Variants in PDE10A observed in about 807,000 individuals in gnomAD.
PDE10A encodes the protein cAMP and cAMP-inhibited cGMP 3',5'-cyclic phosphodiesterase 10A.
PDE10A carries 39 observed loss-of-function variants against 97.7 expected under a neutral mutation model. That is an observed-to-expected ratio of 0.40 (90% CI 0.31 to 0.52). PDE10A has a LOEUF of 0.52. Among genes scored for constraint, PDE10A ranks in the 20% least tolerant of loss-of-function variants. The probability of loss-of-function intolerance (pLI) is 0.56; values close to 1 mark genes in which losing one functional copy is unlikely to be tolerated. For synonymous variants in PDE10A, 371 were observed against 376.8 expected, an observed-to-expected ratio of 0.98 and a Z score of 0.18; for missense variants, 731 against 1,047.8, an observed-to-expected ratio of 0.70 and a Z score of 4.17.
chr6:165,625,837 T>A, intron 1 of PDE10A, among the ~76,000 whole-genome samples: 1 of 152,234 alleles, frequency 6.6e-6, no homozygotes, highest in East Asian at 1.9e-4. Context: ...GTCTCAGGTA[T>A]GTCTTTATCA....
chr6:165,984,354 C>T (rs1428963673), intron 1 of PDE10A, among the ~76,000 whole-genome samples: 1 of 152,080 alleles, frequency 6.6e-6, no homozygotes, highest in African/African-American at 2.4e-5. Flanking sequence ...AATCCTAATA[C>T]CAAATATTTC....
intron 2 of PDE10A, among the ~76,000 whole-genome samples, chr6:165,491,416 A>G (rs1419493881): frequency 6.6e-6 from 1 of 152,150 alleles, no homozygotes; most frequent in Non-Finnish European, 1.5e-5. Context: ...TTTACACAAC[A>G]TCCTAGCCAA....
At chr6:165,918,708 C>T (rs76517603) in intron 1 of PDE10A, among the ~76,000 whole-genome samples, 8,646 of 152,158 alleles carry the variant, frequency 0.057, 311 homozygotes, top group Middle Eastern at 0.1. Context: ...ATTAGAAATA[C>T]ATTTCCAAGA....
intron 14 of PDE10A, 105 bp from the exon 15 acceptor site, chr6:165,395,369 G>A: frequency 2.8e-6 from 2 of 712,994 alleles, no homozygotes; most frequent in East Asian, 2.9e-5. Flanking sequence ...AAAAGACACT[G>A]GGAGCTCAGC....
At chr6:165,764,360 G>C (rs1250156666) in intron 1 of PDE10A, among the ~76,000 whole-genome samples, 1 of 152,148 alleles carries the variant, frequency 6.6e-6, no homozygotes, top group African/African-American at 2.4e-5. Context: ...ATATATCCTA[G>C]TGTTAAAAAT....
At chr6:165,736,725 C>G (rs1792584371) in intron 1 of PDE10A, among the ~76,000 whole-genome samples, 1 of 151,980 alleles carries the variant, frequency 6.6e-6, no homozygotes. Flanking sequence ...GATAAATAAC[C>G]TCAACCTCAC....
intron 1 of PDE10A, among the ~76,000 whole-genome samples, chr6:165,606,183 C>CCAGGCACA (rs1787200693): frequency 6.7e-6 from 1 of 148,434 alleles, no homozygotes; most frequent in Admixed American, 6.7e-5. Context: ...AAATAAAGCA[C>CCAGGCACA]CAGGCACACA....
At chr6:165,959,812 C>A (rs1583352218) in intron 1 of PDE10A, among the ~76,000 whole-genome samples, 1 of 152,010 alleles carries the variant, frequency 6.6e-6, no homozygotes, top group Non-Finnish European at 1.5e-5. Context: ...TGGGGAGGGG[C>A]AACTTAGGAG....
At chr6:165,724,135 T>C (rs908548904) in intron 1 of PDE10A, among the ~76,000 whole-genome samples, 12 of 152,222 alleles carry the variant, frequency 7.9e-5, no homozygotes, top group Non-Finnish European at 1.8e-4. Flanking sequence ...GGGCACACAC[T>C]GGGCATGGTT....
chr6:165,851,514 A>G (rs1780572145), intron 1 of PDE10A, among the ~76,000 whole-genome samples: 1 of 152,206 alleles, frequency 6.6e-6, no homozygotes, highest in Non-Finnish European at 1.5e-5. Context: ...AACAGGGTGT[A>G]TTTCCAGTCC....
intron 1 of PDE10A, among the ~76,000 whole-genome samples, chr6:165,620,748 A>C (rs1026810692): frequency 2.2e-5 from 3 of 133,552 alleles, no homozygotes; most frequent in African/African-American, 9.9e-5. Flanking sequence ...CCAGACAAAA[A>C]GGATAGAGAA....
At position 165,668,779 on chromosome 6, in the gene PDE10A, G is replaced by A. The variant is rs973330781; in HGVS notation, c.-614-125211C>T. Among the ~76,000 whole-genome samples, 344 of 149,274 alleles carry A rather than the reference G, an allele frequency of 2.3e-3. 1 individual carries two copies. The highest frequency in any genetic ancestry group is 7.9e-3 in the African/African-American group (320 of 40,502). On this transcript the variant is annotated intron_variant, in intron 1 of 19. Transcript: ENST00000366882. ...AGGAAGGAAGGAAGGTAGGAAGGGAGGGAGGGAGGGAGGAAGGGGAAGGAA... is the reference window on the plus strand; with the variant it reads ...AGGAAGGAAGGAAGGTAGGAAGGGAAGGAGGGAGGGAGGAAGGGGAAGGAA...
rs191044128 is a variant in PDE10A at position 165,612,417 on chromosome 6, C to T, written c.865+49530G>A. On this transcript the variant is annotated intron_variant, in intron 1 of 21. Transcript: ENST00000539869. ...ATTGAGATGGAGTCTCACTCTGTCA[C>T]CTAGGCTGGAGCGCAGTGGCACAAT... Among the ~76,000 whole-genome samples the T allele has an allele frequency of 4.8e-4, 73 of 152,068 alleles. 1 individual carries two copies. The highest frequency in any genetic ancestry group is 1.7e-3 in the African/African-American group (69 of 41,456).
At chr6:165,405,270 T>A (rs1033227558) in intron 13 of PDE10A, among the ~76,000 whole-genome samples, 1 of 152,164 alleles carries the variant, frequency 6.6e-6, no homozygotes, top group African/African-American at 2.4e-5. Context: ...GCTCAGAAGT[T>A]CCATCTTAGG....
intron 10 of PDE10A, among the ~76,000 whole-genome samples, chr6:165,425,788 T>A (rs1372246188): frequency 6.6e-6 from 1 of 151,698 alleles, no homozygotes; most frequent in East Asian, 1.9e-4. Context: ...TGTGTGTGTG[T>A]GTGTGTGTGT....
intron 1 of PDE10A, among the ~76,000 whole-genome samples, chr6:165,864,802 T>A (rs903464436): frequency 6.6e-6 from 1 of 152,218 alleles, no homozygotes; most frequent in Non-Finnish European, 1.5e-5. Flanking sequence ...CAGACTATTA[T>A]GTGACCATGA....
chr6:165,813,943 A>T (rs369649757), intron 1 of PDE10A, among the ~76,000 whole-genome samples: 16 of 152,190 alleles, frequency 1.1e-4, no homozygotes, highest in African/African-American at 3.9e-4. Flanking sequence ...CTTTGGGCAA[A>T]TGCAGTTTGG....
At chr6:165,826,195 A>G (rs1299750150) in intron 1 of PDE10A, among the ~76,000 whole-genome samples, 1 of 152,148 alleles carries the variant, frequency 6.6e-6, no homozygotes, top group Non-Finnish European at 1.5e-5. Flanking sequence ...TTTCCTCAAT[A>G]AATCACATCC....
At chr6:165,669,655 G>T (rs1246346258) in intron 1 of PDE10A, among the ~76,000 whole-genome samples, 1 of 152,114 alleles carries the variant, frequency 6.6e-6, no homozygotes, top group Non-Finnish European at 1.5e-5. Context: ...CTTACTGGTG[G>T]CATGAAAGCT....
Sources: allele counts gnomAD v4.1 joint callset (sites outside exome capture counted in the v4.1 genomes callset), GRCh38; gene constraint gnomAD v4.1.1; transcripts MANE v1.5; gene names NCBI Gene and HGNC (gene_info 2026-07-23, HGNC 2026-07-21).